Variants in SEMA6D observed in about 807,000 individuals in gnomAD.
SEMA6D encodes semaphorin-6D.
SEMA6D carries 35 observed loss-of-function variants against 106.6 expected under a neutral mutation model. That is an observed-to-expected ratio of 0.33 (90% confidence interval 0.25 to 0.44). The LOEUF is 0.44. SEMA6D is among the 20% of genes least tolerant of loss of function. The probability of loss-of-function intolerance (pLI) is 1.00; values close to 1 mark genes in which losing one functional copy is unlikely to be tolerated. For missense variants in SEMA6D, 1,185 were observed against 1,345.9 expected (o/e 0.88, Z 1.87); for synonymous variants, 499 against 487.7 (o/e 1.02, Z -0.31).
rs140449861 is a variant in SEMA6D, at chr15:47,481,017, T to C, written c.-87+10472T>C. On this transcript the variant is annotated intron_variant, in intron 3 of 19. Coordinates refer to the SEMA6D transcript ENST00000558014. The stretch of plus-strand genomic sequence containing the variant: ...CCATTATAGTCAAATTATATAATTA[T>C]AAGGCTGCCTCCACTATTAGATTAA... Among the ~76,000 whole-genome samples the C allele has an allele frequency of 1.7e-3, 257 of 152,306 alleles. 5 individuals carry two copies. The East Asian group carries it at 0.04, about 23-fold the overall frequency.
chr15:47,390,139 G>T (rs1307571086), intron 1 of SEMA6D, among the ~76,000 whole-genome samples: 1 of 152,086 alleles, frequency 6.6e-6, no homozygotes, highest in Non-Finnish European at 1.5e-5. Context: ...GTTGGAAGGG[G>T]CTGATCTCAG....
At chr15:47,616,105 C>T (rs868192439) in intron 4 of SEMA6D, among the ~76,000 whole-genome samples, 4 of 151,910 alleles carry the variant, frequency 2.6e-5, no homozygotes, top group African/African-American at 4.8e-5. Flanking sequence ...TAATATTTAC[C>T]GATCTCTCAC....
chr15:47,632,486 A>G (rs76276801), intron 4 of SEMA6D, among the ~76,000 whole-genome samples: 2,189 of 149,420 alleles, frequency 0.015, 53 homozygotes, highest in African/African-American at 0.05. Context: ...TTATATGTAC[A>G]CATTTATAAT....
chr15:47,470,963 CA>C (rs1487799029), intron 3 of SEMA6D, among the ~76,000 whole-genome samples: 1 of 152,108 alleles, frequency 6.6e-6, no homozygotes, highest in African/African-American at 2.4e-5. Context: ...TTTTCATAAC[CA>C]AATGTGTACA....
chr15:47,592,564 T>A (rs2076459033), intron 3 of SEMA6D, among the ~76,000 whole-genome samples: 1 of 152,202 alleles, frequency 6.6e-6, no homozygotes, highest in Non-Finnish European at 1.5e-5. Flanking sequence ...TTTCTGTGAT[T>A]AGTCATTTAA....
chr15:47,551,054 C>T (rs765557448), intron 3 of SEMA6D, among the ~76,000 whole-genome samples: 4 of 152,142 alleles, frequency 2.6e-5, no homozygotes, highest in Non-Finnish European at 4.4e-5. Flanking sequence ...TAGGACAACT[C>T]AGGATATCGA....
chr15:47,570,771 T>C (rs1222142666), intron 3 of SEMA6D, among the ~76,000 whole-genome samples: 1 of 152,182 alleles, frequency 6.6e-6, no homozygotes, highest in African/African-American at 2.4e-5. Flanking sequence ...TTACAGCTCT[T>C]CCCAGACTGT....
intron 2 of SEMA6D, among the ~76,000 whole-genome samples, chr15:47,464,685 A>G (rs555406980): frequency 6.6e-6 from 1 of 152,236 alleles, no homozygotes; most frequent in Non-Finnish European, 1.5e-5. Flanking sequence ...ATAGTCCTCC[A>G]TGTGCACAAA....
intron 1 of SEMA6D, among the ~76,000 whole-genome samples, chr15:47,349,931 A>C (rs1200465909): frequency 6.6e-6 from 1 of 152,220 alleles, no homozygotes; most frequent in Non-Finnish European, 1.5e-5. Context: ...CAACAACACA[A>C]CAACAGGAAA....
chr15:47,308,970 C>T (rs939226408), intron 1 of SEMA6D, among the ~76,000 whole-genome samples: 2 of 152,280 alleles, frequency 1.3e-5, no homozygotes, highest in Non-Finnish European at 1.5e-5. Flanking sequence ...GCTGCCAAGT[C>T]TCTTAACATC....
intron 1 of SEMA6D, among the ~76,000 whole-genome samples, chr15:47,278,330 T>C (rs1678943901): frequency 6.6e-6 from 1 of 152,198 alleles, no homozygotes; most frequent in Non-Finnish European, 1.5e-5. Context: ...TGGTATCTCA[T>C]TGTGGTTTTG....
chr15:47,768,583 A>G lies in SEMA6D; in HGVS notation c.1768A>G (p.Met590Val), dbSNP rs139127203. The change falls in exon 18 of 19, where the codon ATG (methionine) becomes GTG (valine). Residue 590 changes from methionine to valine, a missense_variant and splice_region_variant. By Grantham distance (21) the Met-to-Val change is conservative. Transcript: ENST00000536845. ...YKIFGGPTSD[M>V]EVSSSSVTTM... ...TAAAAATCTGTTTGCCACCACAGAC[A>G]TGGAGGTATCTTCATCTTCTGTTAC... 4.4e-6 allele frequency: 7 copies of G among 1,609,052 alleles called. No homozygotes were observed. In the South Asian group the frequency reaches 5.5e-5, roughly 13 times the overall value.
intron 4 of SEMA6D, among the ~76,000 whole-genome samples, chr15:47,624,005 C>T (rs374648795): frequency 6.6e-6 from 1 of 152,176 alleles, no homozygotes; most frequent in Non-Finnish European, 1.5e-5. Flanking sequence ...CAAAACTCCC[C>T]GTGAGCTGGC....
At chr15:47,684,562 G>A (rs1231884378) in intron 4 of SEMA6D, among the ~76,000 whole-genome samples, 1 of 152,122 alleles carries the variant, frequency 6.6e-6, no homozygotes, top group East Asian at 1.9e-4. Flanking sequence ...TTAGTTCACT[G>A]TTGTGTTTCC....
At chr15:47,354,176 CCT>C (rs879283418) in intron 1 of SEMA6D, among the ~76,000 whole-genome samples, 7,701 of 85,040 alleles carry the variant, frequency 0.091, 279 homozygotes, top group Middle Eastern at 0.17. Flanking sequence ...AATGAGAAAG[CCT>C]CTCTCTCTCT....
At chr15:47,430,743 G>A (rs2041496276) in intron 2 of SEMA6D, among the ~76,000 whole-genome samples, 1 of 152,024 alleles carries the variant, frequency 6.6e-6, no homozygotes, top group East Asian at 1.9e-4. Flanking sequence ...TCAAAGTCCA[G>A]GCGTCATCTC....
chr15:47,226,802 T>A (rs2031701208), intron 1 of SEMA6D, among the ~76,000 whole-genome samples: 1 of 152,120 alleles, frequency 6.6e-6, no homozygotes, highest in African/African-American at 2.4e-5. Context: ...CTTTGCCCTG[T>A]AGTCTCCCTG....
chr15:47,761,771 T>C lies in SEMA6D; in HGVS notation c.538+20T>C. On this transcript the variant is annotated intron_variant, in intron 7 of 18. Transcript: ENST00000536845. ...TTGCTGGTAAGATCCTTTAGCGTAA[T>C]GAATATAAATGATTAATGACATTGA... The C allele has an allele frequency of 6.4e-7, 1 of 1,551,424 alleles. No individual in the cohort carries two copies. Among genetic ancestry groups the C allele is most frequent in the Non-Finnish European group, 8.8e-7 (1 of 1,136,014 alleles).
chr15:47,348,677 A>T (rs2038145422), intron 1 of SEMA6D, among the ~76,000 whole-genome samples: 1 of 86,676 alleles, frequency 1.2e-5, no homozygotes, highest in African/African-American at 7.3e-5. Context: ...AGTACATCAC[A>T]CACACACACA....
Sources: allele counts gnomAD v4.1 joint callset (sites outside exome capture counted in the v4.1 genomes callset), GRCh38; gene constraint gnomAD v4.1.1; transcripts MANE v1.5; gene names NCBI Gene and HGNC (gene_info 2026-07-23, HGNC 2026-07-21).